ESYT3: variants seen among roughly 807,000 people sequenced by gnomAD.
ESYT3 encodes extended synaptotagmin-3.
ESYT3 carries 101 observed loss-of-function variants against 111.5 expected under a neutral mutation model. That is an observed-to-expected ratio of 0.91 (90% CI 0.77 to 1.07). The LOEUF is 1.07. Ranked by LOEUF, ESYT3 falls within the 50% of genes least tolerant of loss-of-function variation. ESYT3 has a pLI of 0.00. For missense variants in ESYT3, 1,097 were observed against 1,109.4 expected (o/e 0.99, Z 0.16); for synonymous variants, 416 against 446.8 (o/e 0.93, Z 0.87).
intron 10 of ESYT3, 81 bp downstream of exon 10, chr3:138,465,502 C>T: frequency 9.0e-7 from 1 of 1,108,922 alleles, no homozygotes; most frequent in Non-Finnish European, 1.3e-6. Flanking sequence ...CTGCTCCTAC[C>T]ACTTAATGAC....
chr3:138,469,025 T>C, intron 14 of ESYT3, 144 bp downstream of exon 14: 1 of 888,422 alleles, frequency 1.1e-6, no homozygotes, highest in South Asian at 1.4e-5. Flanking sequence ...TGGAGTCTAC[T>C]GTGTGCCAGG....
At chr3:138,472,300 A>G (rs972679286) in intron 17 of ESYT3, 63 bp from the exon 18 acceptor site, 1 of 1,560,384 alleles carries the variant, frequency 6.4e-7, no homozygotes, top group African/African-American at 1.4e-5. Flanking sequence ...GGAACGGGAA[A>G]CAATGGCTGA....
At position 138,470,185 on chromosome 3, in the gene ESYT3, GT is replaced by G. The variant is rs1436637705; in HGVS notation, c.1590+44del. The G allele has an allele frequency of 1.0e-5, 16 of 1,602,384 alleles. No individual in the cohort carries two copies. In the Admixed American group the frequency reaches 2.7e-4, roughly 27 times the overall value. On this transcript the variant is annotated intron_variant, in intron 16 of 22. Coordinates refer to ENST00000389567, the MANE Select transcript of ESYT3 (RefSeq NM_031913.5). ...AGGGCTCTTGAAACAGAGTTAAGAG[GT>G]TTTTAAGCCAGGCGGGCTGGGAAGC...
At chr3:138,451,924 CGGCG>C in intron 1 of ESYT3, 120 bp from the exon 2 acceptor site, 1 of 1,067,098 alleles carries the variant, frequency 9.4e-7, no homozygotes, top group East Asian at 2.5e-5. Context: ...GACGTGGAGG[CGGCG>C]GGGAGGAAGG....
Position 138,470,913 on chromosome 3 carries a change from C to A in ESYT3, c.1627C>A (p.Leu543Met). Residue 543 changes from leucine to methionine, a missense_variant, in exon 17 of 23, where the codon CTG becomes ATG. Physicochemically the swap from Leu to Met is conservative, Grantham distance 15. Transcript: ENST00000389567. The stretch of plus-strand genomic sequence containing the variant: ...TGACCAGGAGTGTGCTCTGGGAATG[C>A]TGGAGGTCCCCCTGTGCCAGATCCT... ...DDDQECALGM[L>M]EVPLCQILPY... 1.2e-6 allele frequency: 2 copies of A among 1,614,168 alleles called. No homozygotes were observed. The highest frequency in any genetic ancestry group is 2.2e-5 in the South Asian group (2 of 91,080).
rs1169089149 is a variant in ESYT3, at chr3:138,440,356, T to G, written c.327+5231T>G. Among the ~76,000 whole-genome samples, 2 of 152,382 alleles carry G rather than the reference T, an allele frequency of 1.3e-5. No individual in the cohort carries two copies. Among genetic ancestry groups the G allele is most frequent in the Non-Finnish European group, 2.9e-5 (2 of 68,032 alleles). On this transcript the variant is annotated intron_variant, in intron 1 of 22. Coordinates refer to ENST00000389567, the MANE Select transcript of ESYT3 (RefSeq NM_031913.5). The surrounding 1 kb of genome is among the most constrained non-coding windows in gnomAD (Gnocchi z 4.2). ...GCTGAGTGCTTTGCTTACCTAGTGC[T>G]GAGAGCTTGACATTCTTTCTGTGGT...
intron 17 of ESYT3, among the ~76,000 whole-genome samples, chr3:138,471,856 A>G (rs994919210): frequency 2.0e-5 from 3 of 152,244 alleles, no homozygotes; most frequent in African/African-American, 7.2e-5. Flanking sequence ...GGACAGGCCT[A>G]TGAGGTGCCA....
chr3:138,473,211 G>A (rs2033322414), intron 18 of ESYT3: 1 of 1,014,184 alleles, frequency 9.9e-7, no homozygotes, highest in Non-Finnish European at 1.3e-6. Context: ...GGCTTAGCAT[G>A]TTACCTGATT....
At chr3:138,452,292 A>G (rs2031992978) in intron 2 of ESYT3, among the ~76,000 whole-genome samples, 1 of 152,240 alleles carries the variant, frequency 6.6e-6, no homozygotes, top group South Asian at 2.1e-4. Flanking sequence ...TGGTCACAGC[A>G]GAAAAATTAG....
At chr3:138,468,024 G>A (rs1410797332) in intron 11 of ESYT3, 81 bp from the exon 12 acceptor site, 2 of 1,286,414 alleles carry the variant, frequency 1.6e-6, no homozygotes, top group African/African-American at 1.5e-5. Context: ...AGGATGCCAG[G>A]TCTCAGGACT....
intron 18 of ESYT3, 153 bp downstream of exon 18, chr3:138,473,012 A>G: frequency 1.4e-6 from 2 of 1,477,388 alleles, no homozygotes; most frequent in Non-Finnish European, 1.8e-6. Context: ...GAAAGAACAC[A>G]GGACAAGGGA....
At chr3:138,452,969 A>G (rs1330740809) in intron 2 of ESYT3, among the ~76,000 whole-genome samples, 1 of 152,242 alleles carries the variant, frequency 6.6e-6, no homozygotes, top group Non-Finnish European at 1.5e-5. Context: ...CCAGGGTCAC[A>G]ACTCCTTGAG....
rs1365274396 is a variant in ESYT3, at chr3:138,435,263, C to T, written c.327+138C>T. 5.8e-6 allele frequency: 5 copies of T among 857,470 alleles called. No individual in the cohort carries two copies. The highest frequency in any genetic ancestry group is 8.7e-6 in the Non-Finnish European group (5 of 574,250). The allele number at this position is 857,470 out of a possible 1,614,324, so 53.1% of individuals were successfully genotyped here. A position where few individuals can be genotyped will look rare whatever the true frequency, so the allele number is the denominator to read the frequency against. On this transcript the variant is annotated intron_variant, in intron 1 of 22. Coordinates refer to ENST00000389567, the MANE Select transcript of ESYT3 (RefSeq NM_031913.5). This position sits in a 1 kb window ranked among gnomAD's most constrained non-coding sequence, Gnocchi z 4.8. ...GCGACCTGCACACCCCGTTCCCCAC[C>T]GCTCCCGGGGCGCAGACCCTGGGGA...
chr3:138,461,363 T>G (rs545749620), intron 7 of ESYT3, among the ~76,000 whole-genome samples: 1 of 152,028 alleles, frequency 6.6e-6, no homozygotes, highest in Non-Finnish European at 1.5e-5. Context: ...TGGGGGCAAG[T>G]GAAGGCTGCT....
At chr3:138,460,545 GC>G in intron 6 of ESYT3, 65 bp from the exon 7 acceptor site, 1 of 1,549,620 alleles carries the variant, frequency 6.5e-7, no homozygotes, top group South Asian at 1.1e-5. Context: ...GAGGCTCTTG[GC>G]AGGGGGTTCT....
At chr3:138,447,985 C>T (rs752317631) in intron 1 of ESYT3, among the ~76,000 whole-genome samples, 11 of 151,624 alleles carry the variant, frequency 7.3e-5, no homozygotes, top group East Asian at 5.8e-4. Flanking sequence ...GGGGAATCGG[C>T]GGCCGGGTGT....
intron 16 of ESYT3, 200 bp from the exon 17 acceptor site, chr3:138,470,677 A>C (rs1560241852): frequency 1.4e-6 from 2 of 1,401,984 alleles, no homozygotes; most frequent in Non-Finnish European, 1.9e-6. Context: ...AATTGCCTCT[A>C]CTCTGAGTCA....
At chr3:138,481,568 G>A (rs1199246234), downstream of ESYT3, 11 of 151,880 alleles carry the variant, frequency 7.2e-5, no homozygotes, top group African/African-American at 2.4e-4. Flanking sequence ...GGGTTTCACT[G>A]TGTTAGCCAA....
intron 7 of ESYT3, among the ~76,000 whole-genome samples, chr3:138,461,446 A>G (rs143913890): frequency 5.3e-5 from 8 of 152,310 alleles, no homozygotes; most frequent in Non-Finnish European, 1.5e-5. Flanking sequence ...CCCAGGAGGA[A>G]GGGACATTTG....
Sources: allele counts gnomAD v4.1 joint callset (sites outside exome capture counted in the v4.1 genomes callset), GRCh38; gene constraint gnomAD v4.1.1; non-coding constraint Gnocchi (gnomAD v3.1); transcripts MANE v1.5; gene names NCBI Gene and HGNC (gene_info 2026-07-23, HGNC 2026-07-21).